The following PZP variants were observed in gnomAD, a reference collection of about 807,000 sequenced individuals.
PZP encodes pregnancy zone protein.
A neutral mutation model predicts 179.8 loss-of-function variants in PZP; 150 were observed. The observed-to-expected ratio is 0.83, with a 90% CI of 0.73 to 0.96. The LOEUF is 0.96. Ranked by LOEUF, PZP falls within the 40% of genes least tolerant of loss-of-function variation. The probability of loss-of-function intolerance (pLI) is 0.00; values close to 1 mark genes in which losing one functional copy is unlikely to be tolerated. For missense variants in PZP, 1,689 were observed against 1,764.0 expected, an observed-to-expected ratio of 0.96 and a Z score of 0.76; for synonymous variants, 624 against 652.3, an observed-to-expected ratio of 0.96 and a Z score of 0.66.
intron 13 of PZP, among the ~76,000 whole-genome samples, chr12:9,190,175 A>T (rs1030536737): frequency 1.3e-5 from 2 of 152,194 alleles, no homozygotes; most frequent in Admixed American, 6.5e-5. Context: ...TTGTTCTGTC[A>T]TAAAGACACA....
intron 25 of PZP, 21 bp from the exon 26 acceptor site, chr12:9,158,597 GT>G: frequency 6.2e-7 from 1 of 1,612,498 alleles, no homozygotes; most frequent in Non-Finnish European, 8.5e-7. Flanking sequence ...GAAAAATGCA[GT>G]GCTGAGGCTC....
intron 1 of PZP, among the ~76,000 whole-genome samples, chr12:9,204,755 G>T (rs1016421161): frequency 1.2e-4 from 18 of 152,022 alleles, no homozygotes; most frequent in Non-Finnish European, 4.4e-5. Context: ...AAACATGTTT[G>T]TTTCGAATCA....
At chr12:9,178,278 C>G (rs559934131) in intron 15 of PZP, among the ~76,000 whole-genome samples, 8 of 152,198 alleles carry the variant, frequency 5.3e-5, no homozygotes, top group Non-Finnish European at 7.3e-5. Flanking sequence ...CCTGCTTCAT[C>G]TTGCTCGGGA....
rs1352102516 is a variant in PZP at position 9,194,222 on chromosome 12, C to T, written c.1109G>A (p.Gly370Glu). Residue 370 changes from glycine to glutamate, a missense_variant, in exon 11 of 36, where the codon GGA (glycine) becomes GAA (glutamate). Physicochemically the swap from Gly to Glu is moderately conservative, Grantham distance 98 (BLOSUM62 -2). Around this residue, in one of 3 missense-constraint regions of PZP, gnomAD observed 742 missense variants for 730.5 expected, o/e 1.02. Coordinates refer to ENST00000261336, the MANE Select transcript of PZP (RefSeq NM_002864.3). The part of the protein sequence containing the change: ...PFFAQVLLVD[G>E]KGVPIPNKLF... ...TTTATTGGGGATGGGCACACCTTTT[C>T]CATCCACCAGAAGCACCTAAAGAAG... is the stretch of plus-strand genomic sequence containing the variant. 6.2e-7 allele frequency: 1 copy of T among 1,613,758 alleles called. No individual in the cohort carries two copies. The highest frequency in any genetic ancestry group is 2.2e-5 in the East Asian group (1 of 44,850).
At chr12:9,182,673 A>C (rs1942846581) in intron 13 of PZP, among the ~76,000 whole-genome samples, 1 of 152,244 alleles carries the variant, frequency 6.6e-6, no homozygotes, top group Non-Finnish European at 1.5e-5. Flanking sequence ...ATGGTACCAG[A>C]TAACACTTCA....
intron 1 of PZP, among the ~76,000 whole-genome samples, chr12:9,204,759 C>T (rs762023821): frequency 6.6e-5 from 10 of 151,948 alleles, no homozygotes; most frequent in East Asian, 1.9e-4. Context: ...ATGTTTGTTT[C>T]GAATCACATG....
chr12:9,174,501 G>T (rs1205420170), intron 15 of PZP, among the ~76,000 whole-genome samples: 5 of 152,128 alleles, frequency 3.3e-5, no homozygotes, highest in African/African-American at 1.2e-4. Flanking sequence ...TAAATAAAGT[G>T]TATTCGAATA....
chr12:9,148,924 A>G lies in PZP; in HGVS notation c.*48T>C, dbSNP rs1296310870. On this transcript the variant is annotated 3_prime_UTR_variant, in exon 36 of 36. Coordinates refer to ENST00000261336, the MANE Select transcript of PZP (RefSeq NM_002864.3). ...ACAAATAACTCCATTCCTTCTAAGT[A>G]AATGTATAGGACAGAGAATCCACCA... is the stretch of plus-strand genomic sequence containing the variant. 4.0e-6 allele frequency: 6 copies of G among 1,511,460 alleles called. No individual in the cohort carries two copies. Among genetic ancestry groups the G allele is most frequent in the Non-Finnish European group, 5.5e-6 (6 of 1,091,470 alleles). 93.6% of individuals were successfully genotyped at this position (1,511,460 alleles called of 1,614,324 possible). A position where few individuals can be genotyped will look rare whatever the true frequency, so the allele number is the denominator to read the frequency against.
intron 28 of PZP, among the ~76,000 whole-genome samples, chr12:9,155,528 C>T (rs1269882539): frequency 6.6e-6 from 1 of 152,014 alleles, no homozygotes; most frequent in Non-Finnish European, 1.5e-5. Flanking sequence ...ACTCCATACT[C>T]AGAAATAGTT....
chr12:9,150,116 AAT>A (rs1006094279), intron 34 of PZP, among the ~76,000 whole-genome samples: 2 of 152,116 alleles, frequency 1.3e-5, no homozygotes, highest in African/African-American at 4.8e-5. Flanking sequence ...ATTTGTCACT[AAT>A]AGTCTTTCCT....
chr12:9,177,989 G>T (rs922635293), intron 15 of PZP, among the ~76,000 whole-genome samples: 1 of 152,152 alleles, frequency 6.6e-6, no homozygotes, highest in Non-Finnish European at 1.5e-5. Context: ...TTAACTTCTT[G>T]TTGTTTCTTC....
chr12:9,162,296 T>C (rs1941266534), intron 22 of PZP: 3 of 298,192 alleles, frequency 1.0e-5, no homozygotes, highest in Non-Finnish European at 1.8e-5. Context: ...CCTGGGACAC[T>C]CTAAGCTTCT....
In PZP at chr12:9,181,068, G is replaced by A. The variant is rs772353915; in HGVS notation, c.1754C>T (p.Ala585Val). 1.2e-6 allele frequency: 2 copies of A among 1,614,184 alleles called. No homozygotes were observed. The highest frequency in any genetic ancestry group is 2.7e-5 in the African/African-American group (2 of 75,060). The change falls in exon 15 of 36, where the codon GCT (alanine) becomes GTT (valine). Residue 585 changes from alanine (A) to valine (V), a missense_variant. Physicochemically the swap from Ala to Val is moderately conservative, Grantham distance 64. Transcript: ENST00000261336. ...PASHAHLQVA[A>V]APQSLCALRA... ...AAGGGCACAGAGGGACTGCGGAGCAGCTGCTACTTGCAGGTGGGCATGTGA... is the reference window on the plus strand; with the variant it reads ...AAGGGCACAGAGGGACTGCGGAGCAACTGCTACTTGCAGGTGGGCATGTGA...
chr12:9,142,320 TTACAC>T, the PZP span, among the ~76,000 whole-genome samples: 11 of 152,166 alleles, frequency 7.2e-5, no homozygotes, highest in Non-Finnish European at 1.5e-4. Flanking sequence ...TATTAAAAAA[TTACAC>T]AAGCAAAGAT....
chr12:9,201,128 T>C (rs996921135), intron 5 of PZP, 68 bp from the exon 6 acceptor site: 12 of 1,566,132 alleles, frequency 7.7e-6, no homozygotes, highest in Middle Eastern at 1.7e-4. Flanking sequence ...ACTCAAATGA[T>C]TTTGAAGGTG....
At chr12:9,200,269 G>A in intron 7 of PZP, 95 bp downstream of exon 7, 2 of 767,130 alleles carry the variant, frequency 2.6e-6, no homozygotes, top group Non-Finnish European at 4.1e-6. Context: ...TATTACAAAA[G>A]TGCTGAGGCA....
At chr12:9,152,756 C>A (rs970132316) in intron 31 of PZP, 68 bp downstream of exon 31, 1 of 1,499,874 alleles carries the variant, frequency 6.7e-7, no homozygotes, top group Non-Finnish European at 9.1e-7. Flanking sequence ...TCCAAATGGA[C>A]TATTAATTTC....
At chr12:9,199,323 G>A (rs763007512) in intron 7 of PZP, among the ~76,000 whole-genome samples, 5 of 152,158 alleles carry the variant, frequency 3.3e-5, no homozygotes, top group African/African-American at 7.2e-5. Flanking sequence ...TTAGTCCATC[G>A]TATCAGCGCA....
intron 17 of PZP, among the ~76,000 whole-genome samples, chr12:9,168,100 G>A (rs1178580812): frequency 1.3e-5 from 2 of 152,106 alleles, no homozygotes; most frequent in Non-Finnish European, 2.9e-5. Flanking sequence ...AACAATCAAA[G>A]TTCTTAATTT....
Sources: gnomAD v4.1 joint callset for allele counts (sites outside exome capture counted in the v4.1 genomes callset) on GRCh38, gnomAD v4.1.1 for gene constraint, gnomAD v4.1.1 regional missense constraint, MANE v1.5 for transcripts, NCBI Gene and HGNC (gene_info 2026-07-23, HGNC 2026-07-21) for gene names.